AGBL4: variants seen among roughly 807,000 people sequenced by gnomAD.
AGBL4 encodes the protein cytosolic carboxypeptidase 6.
In AGBL4, 58 loss-of-function variants were observed where a neutral mutation model predicts 66.4. That is an observed-to-expected ratio of 0.87 (90% CI 0.71 to 1.09). The LOEUF is 1.09. AGBL4 is among the 50% of genes least tolerant of loss of function. The pLI is 0.00. For missense variants in AGBL4, 579 were observed against 631.0 expected (o/e 0.92, Z 0.88); for synonymous variants, 234 against 222.9 (o/e 1.05, Z -0.44).
chr1:48,763,472 G>T (rs140325081), intron 6 of AGBL4, among the ~76,000 whole-genome samples: 121 of 152,042 alleles, frequency 8.0e-4, no homozygotes, highest in East Asian at 1.9e-3. Context: ...GTGTTTTTTT[G>T]TGTGTGTGTA....
At chr1:48,967,387 T>C (rs1259547585) in intron 5 of AGBL4, among the ~76,000 whole-genome samples, 2 of 152,168 alleles carry the variant, frequency 1.3e-5, no homozygotes, top group Non-Finnish European at 2.9e-5. Flanking sequence ...CTCAAATCAA[T>C]GAATATTTAT....
intron 3 of AGBL4, among the ~76,000 whole-genome samples, chr1:49,303,391 A>G (rs1644790059): frequency 6.6e-6 from 1 of 151,966 alleles, no homozygotes; most frequent in Admixed American, 6.6e-5. Context: ...TTTGATTTGC[A>G]TTTCTCTAAT....
chr1:49,763,725 G>A (rs12144042), intron 2 of AGBL4, among the ~76,000 whole-genome samples: 14,023 of 152,184 alleles, frequency 0.092, 854 homozygotes, highest in African/African-American at 0.16. Flanking sequence ...AGGGCCTCCA[G>A]ATGGACACAG....
At chr1:49,748,113 C>G (rs1651141884) in intron 2 of AGBL4, among the ~76,000 whole-genome samples, 1 of 152,086 alleles carries the variant, frequency 6.6e-6, no homozygotes, top group African/African-American at 2.4e-5. Context: ...CTGCACCCAT[C>G]AAACCGTCAT....
At chr1:48,815,505 G>C (rs1002326459) in intron 6 of AGBL4, among the ~76,000 whole-genome samples, 1 of 151,996 alleles carries the variant, frequency 6.6e-6, no homozygotes, top group East Asian at 1.9e-4. Flanking sequence ...TAACCAGCTC[G>C]GTAGCTTTCA....
chr1:49,723,020 A>C (rs1362379943), intron 2 of AGBL4, among the ~76,000 whole-genome samples: 1 of 152,110 alleles, frequency 6.6e-6, no homozygotes, highest in Non-Finnish European at 1.5e-5. Flanking sequence ...TTTATAAATT[A>C]ACCTAATACC....
At chr1:48,996,846 C>T (rs1361680747) in intron 5 of AGBL4, among the ~76,000 whole-genome samples, 1 of 151,838 alleles carries the variant, frequency 6.6e-6, no homozygotes, top group African/African-American at 2.4e-5. Flanking sequence ...TTCCTTCCTT[C>T]CTTCCTTCCT....
chr1:48,708,569 C>G (rs1646915686), intron 6 of AGBL4, among the ~76,000 whole-genome samples: 1 of 152,186 alleles, frequency 6.6e-6, no homozygotes, highest in Non-Finnish European at 1.5e-5. Flanking sequence ...CTCTAAAACA[C>G]TTCATTCTGC....
intron 4 of AGBL4, among the ~76,000 whole-genome samples, chr1:49,171,128 T>C (rs1384033445): frequency 2.6e-5 from 4 of 151,950 alleles, no homozygotes; most frequent in African/African-American, 9.7e-5. Flanking sequence ...CTCAGGGAGG[T>C]GTGTTTCATT....
At chr1:49,095,998 A>C (rs1049912295) in intron 4 of AGBL4, among the ~76,000 whole-genome samples, 2 of 151,822 alleles carry the variant, frequency 1.3e-5, no homozygotes, top group Non-Finnish European at 2.9e-5. Flanking sequence ...TACAAAAAAA[A>C]ACAAACAACC....
intron 3 of AGBL4, among the ~76,000 whole-genome samples, chr1:49,498,792 T>C (rs1277016654): frequency 6.6e-6 from 1 of 151,994 alleles, no homozygotes; most frequent in African/African-American, 2.4e-5. Flanking sequence ...ACATTGAACT[T>C]TGTCAGATGC....
chr1:49,449,773 T>C (rs916198408), intron 3 of AGBL4, among the ~76,000 whole-genome samples: 12 of 152,030 alleles, frequency 7.9e-5, no homozygotes, highest in African/African-American at 2.2e-4. Flanking sequence ...TCCCAGAGGG[T>C]CACTTTCTCA....
chr1:48,869,153 A>T (rs1372191410), intron 5 of AGBL4, among the ~76,000 whole-genome samples: 2 of 152,206 alleles, frequency 1.3e-5, no homozygotes, highest in African/African-American at 4.8e-5. Flanking sequence ...TCAAACACAC[A>T]TACCTGTTTT....
At chr1:48,586,772 G>T in intron 11 of AGBL4, 1 of 513,368 alleles carries the variant, frequency 1.9e-6, no homozygotes, top group Non-Finnish European at 3.6e-6. Context: ...CAGGCCATGG[G>T]TCCGGCTGGC....
intron 3 of AGBL4, among the ~76,000 whole-genome samples, chr1:49,631,312 G>C (rs777716281): frequency 3.9e-5 from 6 of 152,112 alleles, no homozygotes; most frequent in Non-Finnish European, 8.8e-5. Flanking sequence ...CAGGAGAATG[G>C]ACCTCTTTGT....
chr1:48,846,749 G>A (rs1646925905), intron 6 of AGBL4, among the ~76,000 whole-genome samples: 1 of 152,038 alleles, frequency 6.6e-6, no homozygotes, highest in Admixed American at 6.6e-5. Context: ...AATGAATCCA[G>A]GCTCAGCAGG....
At chr1:48,577,057 G>A (rs79997348) in intron 11 of AGBL4, among the ~76,000 whole-genome samples, 14 of 152,164 alleles carry the variant, frequency 9.2e-5, no homozygotes, top group Non-Finnish European at 1.5e-4. Context: ...TGTTCCAGGC[G>A]TTCATGCATT....
At chr1:48,752,909 C>T (rs1382011808) in intron 6 of AGBL4, among the ~76,000 whole-genome samples, 1 of 152,138 alleles carries the variant, frequency 6.6e-6, no homozygotes, top group Non-Finnish European at 1.5e-5. Flanking sequence ...GCCCCCATGC[C>T]CAGCTAATTT....
chr1:48,829,000 G>A (rs1441764801), intron 6 of AGBL4, among the ~76,000 whole-genome samples: 3 of 152,168 alleles, frequency 2.0e-5, no homozygotes, highest in Non-Finnish European at 2.9e-5. Flanking sequence ...AAGGGTTGTT[G>A]AGATAGAATA....
Sources: allele counts gnomAD v4.1 joint callset (sites outside exome capture counted in the v4.1 genomes callset), GRCh38; gene constraint gnomAD v4.1.1; transcripts MANE v1.5; gene names NCBI Gene and HGNC (gene_info 2026-07-23, HGNC 2026-07-21).